The following SLC39A6 variants were observed in gnomAD, a reference collection of about 807,000 sequenced individuals.
The protein encoded by SLC39A6 is zinc transporter ZIP6.
Under a neutral mutation model 63.5 loss-of-function variants are expected in SLC39A6, and 51 were observed. The observed-to-expected ratio is 0.80, with a 90% confidence interval of 0.64 to 1.01. SLC39A6 has a LOEUF of 1.01. Ranked by LOEUF, SLC39A6 falls within the 50% of genes least tolerant of loss-of-function variation. SLC39A6 has a pLI of 0.00. For missense variants in SLC39A6, 805 were observed against 927.8 expected, an observed-to-expected ratio of 0.87 and a Z score of 1.72; for synonymous variants, 318 against 324.7, an observed-to-expected ratio of 0.98 and a Z score of 0.22.
chr18:36,117,724 T>A (rs374416648), intron 5 of SLC39A6, among the ~76,000 whole-genome samples: 1 of 152,188 alleles, frequency 6.6e-6, no homozygotes, highest in Admixed American at 6.5e-5. Context: ...CATTCTTAGA[T>A]TTTAAGAGCT....
chr18:36,111,182 TGACA>T lies in SLC39A6; in HGVS notation c.1988_1991del (p.Leu663Ter). 1 of 1,614,090 alleles carries T rather than the reference TGACA, an allele frequency of 6.2e-7. No homozygotes were observed. Among genetic ancestry groups the T allele is most frequent in the Non-Finnish European group, 8.5e-7 (1 of 1,179,928 alleles). On this transcript the variant is annotated frameshift_variant, in exon 9 of 10. Coordinates refer to ENST00000269187, the MANE Select transcript of SLC39A6 (RefSeq NM_012319.4). LOFTEE classifies it high-confidence loss of function. ...CCATTCCAAGATACGCCAGCATGGC[TGACA>T]ATGCATTATAAAGGACAGCCTGCTT...
chr18:36,109,777 A>G (rs2089286740), intron 9 of SLC39A6, 32 bp from the exon 10 acceptor site: 3 of 1,576,274 alleles, frequency 1.9e-6, no homozygotes, highest in Non-Finnish European at 2.6e-6. Flanking sequence ...AATAAGAGTG[A>G]CATTTAAGTT....
intron 4 of SLC39A6, 132 bp from the exon 5 acceptor site, chr18:36,122,402 G>A (rs987676724): frequency 2.9e-6 from 2 of 680,646 alleles, no homozygotes; most frequent in Non-Finnish European, 5.1e-6. Flanking sequence ...ATGAGGTGAA[G>A]TTTAGGACAT....
At position 36,126,267 on chromosome 18, in the gene SLC39A6, G is replaced by C. The variant is rs1818987806; in HGVS notation, c.741C>G (p.Pro247=). ...GRKTNESVSE[P]RKGFMYSRNT... is the part of the protein sequence containing the mutation. ...TTCTGGAATACATAAAGCCTTTTCGGGGCTCACTCACAGATTCATTTGTTT... is the reference window on the plus strand; with the variant it reads ...TTCTGGAATACATAAAGCCTTTTCGCGGCTCACTCACAGATTCATTTGTTT... Residue 247 remains proline (P), a synonymous_variant, in exon 2 of 10, where the codon CCC becomes CCG. Coordinates refer to ENST00000269187, the MANE Select transcript of SLC39A6 (RefSeq NM_012319.4). 1 of 1,614,058 alleles carries C rather than the reference G, an allele frequency of 6.2e-7. No individual in the cohort carries two copies. The highest frequency in any genetic ancestry group is 8.5e-7 in the Non-Finnish European group (1 of 1,180,050).
intron 1 of SLC39A6, 68 bp from the exon 2 acceptor site, chr18:36,127,084 C>T: frequency 7.4e-7 from 1 of 1,351,284 alleles, no homozygotes; most frequent in Non-Finnish European, 1.0e-6. Context: ...AAACCTCATA[C>T]TGAAAATTAA....
Position 36,109,663 on chromosome 18 carries a change from A to C in SLC39A6, c.2198T>G (p.Leu733Arg). 6.2e-7 allele frequency: 1 copy of C among 1,612,000 alleles called. No homozygotes were observed. Among genetic ancestry groups the C allele is most frequent in the Non-Finnish European group, 8.5e-7 (1 of 1,178,196 alleles). The change falls in exon 10 of 10, where the codon CTT becomes CGT. Residue 733 changes from leucine (L) to arginine (R), a missense_variant. Coordinates refer to ENST00000269187, the MANE Select transcript of SLC39A6 (RefSeq NM_012319.4). ...AAGTAACATAATTCCAAAACCCAAA[A>C]GCATCCCAGCATTCTGTAAAAAGAA... is the stretch of plus-strand genomic sequence containing the variant. ...GYFFLQNAGM[L>R]LGFGIMLLIS... is the part of the protein sequence containing the mutation.
chr18:36,109,842 ATTTGT>A, intron 9 of SLC39A6, 97 bp from the exon 10 acceptor site: 1 of 896,792 alleles, frequency 1.1e-6, no homozygotes, highest in East Asian at 2.4e-5. Context: ...TACTAGCTTT[ATTTGT>A]AGCTAGATAT....
intron 4 of SLC39A6, 28 bp from the exon 5 acceptor site, chr18:36,122,298 A>T (rs2089401367): frequency 6.4e-7 from 1 of 1,560,678 alleles, no homozygotes; most frequent in African/African-American, 1.4e-5. Context: ...TGTTATTTAT[A>T]AATTCATCAG....
At chr18:36,122,401 A>C (rs1047181896) in intron 4 of SLC39A6, 131 bp from the exon 5 acceptor site, 1 of 680,966 alleles carries the variant, frequency 1.5e-6, no homozygotes, top group Non-Finnish European at 2.5e-6. Context: ...GATGAGGTGA[A>C]GTTTAGGACA....
In SLC39A6 at chr18:36,111,262, AC is replaced by A; in HGVS notation, c.1925-14del. ...ACAGCAAAGTCACCTTTAACAGAAA[AC>A]AAAAAAGGAGGAAAAAGTCATTGAG... On this transcript the variant is annotated splice_polypyrimidine_tract_variant and intron_variant, in intron 8 of 9. Transcript: ENST00000269187. 1 of 1,608,132 alleles carries A rather than the reference AC, an allele frequency of 6.2e-7. No homozygotes were observed. The highest frequency in any genetic ancestry group is 8.5e-7 in the Non-Finnish European group (1 of 1,176,986).
chr18:36,110,946 C>T, intron 9 of SLC39A6, 113 bp downstream of exon 9: 1 of 1,482,854 alleles, frequency 6.7e-7, no homozygotes, highest in Non-Finnish European at 9.0e-7. Context: ...GACGACATAG[C>T]AAGATTCCAC....
chr18:36,126,018 G>A (rs564625705), intron 2 of SLC39A6, among the ~76,000 whole-genome samples: 1 of 152,356 alleles, frequency 6.6e-6, no homozygotes, highest in Admixed American at 6.5e-5. Context: ...CAAAAGAACT[G>A]TTCCCTAAGT....
At chr18:36,129,006 C>T (rs1010143460) in intron 1 of SLC39A6, 108 bp downstream of exon 1, 1 of 152,576 alleles carries the variant, frequency 6.6e-6, no homozygotes. Flanking sequence ...CCCCCCTGCC[C>T]GGTCCGCAGG....
Position 36,114,136 on chromosome 18 carries a change from C to T in SLC39A6, c.1804G>A (p.Gly602Ser). 6.2e-7 allele frequency: 1 copy of T among 1,613,206 alleles called. No individual in the cohort carries two copies. The change falls in exon 7 of 10, where the codon GGT (glycine) becomes AGT (serine). Residue 602 changes from glycine (G) to serine (S), a missense_variant. By Grantham distance (56) the Gly-to-Ser change is moderately conservative. Coordinates refer to ENST00000269187, the MANE Select transcript of SLC39A6 (RefSeq NM_012319.4). ...TCGCTGAAATTGTGCAGGCCATCAC[C>T]CATTATCACCATCCAGGCCAGAGTG... ...VATLAWMVIMGDGLHNFSDGL... is the reference protein window; with the variant it reads ...VATLAWMVIMSDGLHNFSDGL...
intron 5 of SLC39A6, among the ~76,000 whole-genome samples, chr18:36,121,193 A>G (rs1567959751): frequency 6.6e-6 from 1 of 150,820 alleles, no homozygotes; most frequent in Non-Finnish European, 1.5e-5. Flanking sequence ...GAGTCTCACT[A>G]TTGCCCAGGC....
In SLC39A6 at chr18:36,114,221, G is replaced by A. The variant is rs2089324690; in HGVS notation, c.1719C>T (p.His573=). Residue 573 remains histidine, a synonymous_variant, in exon 7 of 10, where the codon CAC becomes CAT. Coordinates refer to ENST00000269187, the MANE Select transcript of SLC39A6 (RefSeq NM_012319.4). The stretch of plus-strand genomic sequence containing the variant: ...AGCGCTGGCTGTGACTGTGAGGATG[G>A]TGGTTTTGGTGGTGGTGATGATGGA... ...HILHHHHHQN[H]HPHSHSQRYS... 1 of 1,614,070 alleles carries A rather than the reference G, an allele frequency of 6.2e-7. No homozygotes were observed.
At chr18:36,122,638 T>C (rs2089403724) in intron 4 of SLC39A6, among the ~76,000 whole-genome samples, 1 of 143,658 alleles carries the variant, frequency 7.0e-6, no homozygotes, top group South Asian at 2.2e-4. Flanking sequence ...ACACTAGCAT[T>C]GTAAGAAGCC....
chr18:36,126,392 C>CTATTG lies in SLC39A6; in HGVS notation c.611_615dup (p.Glu206GlnfsTer2). On this transcript the variant is annotated frameshift_variant, in exon 2 of 10. Coordinates refer to ENST00000269187, the MANE Select transcript of SLC39A6 (RefSeq NM_012319.4). LOFTEE classifies it high-confidence loss of function. ...AAGAGTTTTCCAGGTCTTGGAGTCT[C>CTATTG]TATTGTCTCTAGAAAGTGAGTTCCT... 2 of 1,614,200 alleles carry CTATTG rather than the reference C, an allele frequency of 1.2e-6. No homozygotes were observed. The highest frequency in any genetic ancestry group is 1.7e-6 in the Non-Finnish European group (2 of 1,180,034).
Position 36,108,944 on chromosome 18 carries a change from T to C in SLC39A6, c.*649A>G, listed in dbSNP as rs2089280399. 1 of 152,232 alleles carries C rather than the reference T, an allele frequency of 6.6e-6. No homozygotes were observed. Among genetic ancestry groups the C allele is most frequent in the Non-Finnish European group, 1.5e-5 (1 of 68,030 alleles). The allele number at this position is 152,232 out of a possible 1,614,324, so 9.4% of individuals were successfully genotyped here. On this transcript the variant is annotated 3_prime_UTR_variant, in exon 10 of 10. Coordinates refer to ENST00000269187, the MANE Select transcript of SLC39A6 (RefSeq NM_012319.4). The stretch of plus-strand genomic sequence containing the variant: ...TTCATTAAATATATTTAGATTTCTG[T>C]ATTATACAAAGTTAAATGTACAACT...
Sources: gnomAD v4.1 joint callset for allele counts (sites outside exome capture counted in the v4.1 genomes callset) on GRCh38, gnomAD v4.1.1 for gene constraint, MANE v1.5 for transcripts, NCBI Gene and HGNC (gene_info 2026-07-23, HGNC 2026-07-21) for gene names.